ADGRV1: variants seen among roughly 807,000 people sequenced by gnomAD.
The protein encoded by ADGRV1 is G-protein coupled receptor 98.
A neutral mutation model predicts 596.2 loss-of-function variants in ADGRV1; 359 were observed. The ratio of observed to expected loss-of-function variants is 0.60; its 90% CI spans 0.55 to 0.66. The LOEUF is 0.66. Among genes scored for constraint, ADGRV1 ranks in the 30% least tolerant of loss-of-function variants. The pLI, the probability that ADGRV1 is intolerant of heterozygous loss-of-function variation, is 0.00. For synonymous variants in ADGRV1, 2,681 were observed against 2,679.2 expected (o/e 1.00, Z -0.02); for missense variants, 7,274 against 7,575.6 (o/e 0.96, Z 1.48).
chr5:90,880,629 A>C (rs1193133634), intron 83 of ADGRV1, among the ~76,000 whole-genome samples: 1 of 152,166 alleles, frequency 6.6e-6, no homozygotes, highest in African/African-American at 2.4e-5. Context: ...TTGGGACTTT[A>C]CTTTCCAGTT....
intron 84 of ADGRV1, among the ~76,000 whole-genome samples, chr5:90,968,836 T>C (rs1778702149): frequency 6.6e-6 from 1 of 152,162 alleles, no homozygotes; most frequent in Admixed American, 6.5e-5. Context: ...TTCTACTTCA[T>C]TTTTTTAGTA....
At chr5:90,934,831 G>T (rs1775545399) in intron 83 of ADGRV1, among the ~76,000 whole-genome samples, 1 of 152,178 alleles carries the variant, frequency 6.6e-6, no homozygotes, top group Admixed American at 6.5e-5. Flanking sequence ...CTTTTAGGTG[G>T]CCTCTAGCTC....
chr5:90,802,307 C>G (rs1761458525), intron 70 of ADGRV1, among the ~76,000 whole-genome samples: 1 of 152,214 alleles, frequency 6.6e-6, no homozygotes, highest in Admixed American at 6.5e-5. Context: ...CCTCTGCCTC[C>G]TGGGTTCAAA....
intron 1 of ADGRV1, among the ~76,000 whole-genome samples, chr5:90,596,414 G>C (rs1239885047): frequency 6.6e-6 from 1 of 151,614 alleles, no homozygotes; most frequent in Admixed American, 6.6e-5. Context: ...CTGCAATCTC[G>C]GCACTTTGGG....
At chr5:90,922,828 A>G (rs1774007982) in intron 83 of ADGRV1, among the ~76,000 whole-genome samples, 1 of 152,192 alleles carries the variant, frequency 6.6e-6, no homozygotes, top group African/African-American at 2.4e-5. Flanking sequence ...AGGCTTTAGA[A>G]ATAGCATTCA....
At chr5:91,126,638 C>T (rs555651835) in intron 87 of ADGRV1, among the ~76,000 whole-genome samples, 26 of 152,246 alleles carry the variant, frequency 1.7e-4, no homozygotes, top group South Asian at 1.2e-3. Flanking sequence ...GTGCCAAATT[C>T]AGTAAGTCAT....
At chr5:90,845,192 C>T (rs1765761438) in intron 78 of ADGRV1, among the ~76,000 whole-genome samples, 3 of 88,644 alleles carry the variant, frequency 3.4e-5, no homozygotes, top group Admixed American at 3.0e-4. Flanking sequence ...TGGTCACCAA[C>T]TGTGTGCGAA....
In ADGRV1 at chr5:90,989,146, G is replaced by T. The variant is rs915913100; in HGVS notation, c.18152+3624G>T. Among the ~76,000 whole-genome samples, 7 of 151,990 alleles carry T rather than the reference G, an allele frequency of 4.6e-5. No homozygotes were observed. In the East Asian group the frequency reaches 1.4e-3, roughly 29 times the overall value. ...AGCAGCATGATTTATAATCCTTTGGGTATATACCCAGTAATGGGATCGCTG... is the reference window on the plus strand; with the variant it reads ...AGCAGCATGATTTATAATCCTTTGGTTATATACCCAGTAATGGGATCGCTG... On this transcript the variant is annotated intron_variant, in intron 85 of 89. Transcript: ENST00000405460.
chr5:90,945,634 A>G (rs924840408), intron 83 of ADGRV1, among the ~76,000 whole-genome samples: 1 of 152,172 alleles, frequency 6.6e-6, no homozygotes. Context: ...ACAGATATTT[A>G]TTGAACACCT....
chr5:90,959,924 G>A (rs1258686010), intron 83 of ADGRV1, among the ~76,000 whole-genome samples: 2 of 152,100 alleles, frequency 1.3e-5, no homozygotes, highest in Non-Finnish European at 2.9e-5. Flanking sequence ...CAGATCACGA[G>A]GTCAGGAGAT....
intron 84 of ADGRV1, among the ~76,000 whole-genome samples, chr5:90,972,319 C>T (rs1779116756): frequency 6.6e-6 from 1 of 152,082 alleles, no homozygotes; most frequent in Non-Finnish European, 1.5e-5. Context: ...CAAGGATATC[C>T]AGGAATTGAA....
chr5:90,901,161 C>T (rs1581459599), intron 83 of ADGRV1, among the ~76,000 whole-genome samples: 1 of 152,200 alleles, frequency 6.6e-6, no homozygotes, highest in East Asian at 1.9e-4. Context: ...CCTAGTCAGA[C>T]CATTAGGCCC....
chr5:91,074,976 A>G (rs763641280), intron 86 of ADGRV1, among the ~76,000 whole-genome samples: 2 of 152,084 alleles, frequency 1.3e-5, no homozygotes, highest in African/African-American at 2.4e-5. Flanking sequence ...CATGGCACAT[A>G]TGTCTTCTTT....
chr5:90,763,841 T>C (rs1756783669), intron 59 of ADGRV1, among the ~76,000 whole-genome samples: 1 of 152,236 alleles, frequency 6.6e-6, no homozygotes, highest in Non-Finnish European at 1.5e-5. Flanking sequence ...TCTATGTTGC[T>C]TCAAAGGACA....
At chr5:90,863,710 A>G (rs1424562095) in intron 82 of ADGRV1, 47 bp from the exon 83 acceptor site, 1 of 1,371,504 alleles carries the variant, frequency 7.3e-7, no homozygotes, top group Non-Finnish European at 1.0e-6. Context: ...TGCTGTTAGA[A>G]TCTTCATGGA....
At chr5:90,941,843 A>G (rs1207122860) in intron 83 of ADGRV1, among the ~76,000 whole-genome samples, 1 of 152,252 alleles carries the variant, frequency 6.6e-6, no homozygotes, top group Non-Finnish European at 1.5e-5. Flanking sequence ...ATGTGATGAT[A>G]CAATTGATTT....
intron 87 of ADGRV1, among the ~76,000 whole-genome samples, chr5:91,139,310 T>C (rs1290103246): frequency 6.6e-6 from 1 of 152,328 alleles, no homozygotes; most frequent in South Asian, 2.1e-4. Context: ...TTTCCTGTTA[T>C]TTGCAGCATA....
At chr5:91,085,229 TA>T (rs764474505) in intron 86 of ADGRV1, among the ~76,000 whole-genome samples, 1 of 152,084 alleles carries the variant, frequency 6.6e-6, no homozygotes, top group Non-Finnish European at 1.5e-5. Context: ...TAAGTACAGT[TA>T]AAAAATATTA....
chr5:91,039,767 A>G (rs756683100), intron 85 of ADGRV1, among the ~76,000 whole-genome samples: 10 of 152,206 alleles, frequency 6.6e-5, no homozygotes, highest in African/African-American at 1.2e-4. Flanking sequence ...ATAATGATGC[A>G]GTAATATACA....
Sources: allele counts gnomAD v4.1 joint callset (sites outside exome capture counted in the v4.1 genomes callset), GRCh38; gene constraint gnomAD v4.1.1; transcripts MANE v1.5; gene names NCBI Gene and HGNC (gene_info 2026-07-23, HGNC 2026-07-21).